Variants in ERAP2 observed in about 807,000 individuals in gnomAD.
ERAP2 encodes the protein leukocyte-derived arginine aminopeptidase.
In ERAP2, 118 loss-of-function variants were observed where a neutral mutation model predicts 111.1. That is an observed-to-expected ratio of 1.06 (90% CI 0.92 to 1.24). The LOEUF (loss-of-function observed/expected upper bound fraction) is 1.24, where lower values mean the gene tolerates loss of function less well. ERAP2 is among the 50% of genes most tolerant of loss of function. The pLI is 0.00. For missense variants in ERAP2, 1,131 were observed against 1,125.8 expected, an observed-to-expected ratio of 1.00 and a Z score of -0.07; for synonymous variants, 410 against 401.2, an observed-to-expected ratio of 1.02 and a Z score of -0.26.
chr5:96,897,552 A>G (rs200227310), intron 9 of ERAP2, among the ~76,000 whole-genome samples: 1 of 146,674 alleles, frequency 6.8e-6, no homozygotes, highest in Non-Finnish European at 1.5e-5. Context: ...TTCTTTTTTT[A>G]ATGTGATAGC....
At chr5:96,913,748 T>A (rs888353692) in intron 17 of ERAP2, among the ~76,000 whole-genome samples, 2 of 152,122 alleles carry the variant, frequency 1.3e-5, no homozygotes, top group Non-Finnish European at 2.9e-5. Context: ...CCTCCCACCA[T>A]CCCTTCTTGG....
chr5:96,892,479 C>A, intron 6 of ERAP2, 26 bp downstream of exon 6: 4 of 1,612,150 alleles, frequency 2.5e-6, no homozygotes, highest in Non-Finnish European at 3.4e-6. Context: ...GACATTATCT[C>A]GATATCAGTT....
At chr5:96,916,889 T>C (rs1220682904) in intron 18 of ERAP2, among the ~76,000 whole-genome samples, 2 of 152,140 alleles carry the variant, frequency 1.3e-5, no homozygotes, top group African/African-American at 4.8e-5. Flanking sequence ...ATTTACTCTA[T>C]GACTTGGGTA....
chr5:96,910,542 A>C (rs1338971085), intron 15 of ERAP2, among the ~76,000 whole-genome samples: 1 of 152,154 alleles, frequency 6.6e-6, no homozygotes, highest in Non-Finnish European at 1.5e-5. Flanking sequence ...TGAAGCTAAA[A>C]TGTAAACATC....
chr5:96,915,755 G>C lies in ERAP2; in HGVS notation c.2725G>C (p.Asp909His). The change falls in exon 18 of 19, where the codon GAT becomes CAT. Residue 909 changes from aspartate (D) to histidine (H), a missense_variant. Coordinates refer to ENST00000437043, the MANE Select transcript of ERAP2 (RefSeq NM_022350.5). ...CACAACAGCTCACTTTTCTTCCAAG[G>C]ATAAGTTGCAAGAGGTTTGTGACTT... Reference protein sequence around the residue: ...SGTTAHFSSKDKLQEVKLFFE... With the variant: ...SGTTAHFSSKHKLQEVKLFFE... The C allele has an allele frequency of 6.2e-7, 1 of 1,601,104 alleles. No individual in the cohort carries two copies. Among genetic ancestry groups the C allele is most frequent in the Non-Finnish European group, 8.5e-7 (1 of 1,173,762 alleles).
chr5:96,913,520 A>G, intron 17 of ERAP2, 63 bp downstream of exon 17: 1 of 1,542,648 alleles, frequency 6.5e-7, no homozygotes, highest in Non-Finnish European at 8.9e-7. Context: ...GCCTCAAACC[A>G]AGTGTAATCA....
intron 9 of ERAP2, among the ~76,000 whole-genome samples, chr5:96,899,411 AAG>A (rs1785214031): frequency 6.6e-6 from 1 of 152,212 alleles, no homozygotes; most frequent in Non-Finnish European, 1.5e-5. Flanking sequence ...GTGTCACATA[AAG>A]TCAATTCTAA....
rs1375153310 is a variant in ERAP2, at chr5:96,918,443, A to C, written c.*838A>C. 1 of 152,232 alleles carries C rather than the reference A, an allele frequency of 6.6e-6. No homozygotes were observed. The highest frequency in any genetic ancestry group is 1.5e-5 in the Non-Finnish European group (1 of 68,038). 9.4% of individuals were successfully genotyped at this position (152,232 alleles called of 1,614,324 possible). A position where few individuals can be genotyped will look rare whatever the true frequency, so the allele number is the denominator to read the frequency against. ...CTCAGATTATTAGAAACTAGGTGTC[A>C]GGGTTTATCAAGAAGGCCAGGAAGG... On this transcript the variant is annotated 3_prime_UTR_variant, in exon 19 of 19. Coordinates refer to ENST00000437043, the MANE Select transcript of ERAP2 (RefSeq NM_022350.5).
chr5:96,899,721 G>C (rs1038673194), intron 9 of ERAP2, among the ~76,000 whole-genome samples: 1 of 152,148 alleles, frequency 6.6e-6, no homozygotes, highest in Non-Finnish European at 1.5e-5. Flanking sequence ...AATATGTCAG[G>C]GGAGAGTTAA....
At chr5:96,876,947 T>C (rs1264842328) in intron 1 of ERAP2, among the ~76,000 whole-genome samples, 1 of 152,076 alleles carries the variant, frequency 6.6e-6, no homozygotes, top group Non-Finnish European at 1.5e-5. Context: ...TGTTCCTTCA[T>C]CTGTTTATTT....
intron 15 of ERAP2, 78 bp from the exon 16 acceptor site, chr5:96,912,559 A>T: frequency 1.9e-6 from 2 of 1,040,978 alleles, no homozygotes; most frequent in Non-Finnish European, 2.8e-6. Flanking sequence ...TTATTGTGTT[A>T]TAGGACTTAA....
chr5:96,891,572 T>TAC (rs1319654321), intron 5 of ERAP2, among the ~76,000 whole-genome samples: 105 of 133,262 alleles, frequency 7.9e-4, no homozygotes, highest in South Asian at 2.4e-3. Flanking sequence ...ACATATATGG[T>TAC]ACACACACAC....
intron 13 of ERAP2, among the ~76,000 whole-genome samples, chr5:96,908,382 A>G (rs755895373): frequency 7.2e-5 from 11 of 152,224 alleles, no homozygotes; most frequent in Non-Finnish European, 1.5e-4. Context: ...CACTAGAAGA[A>G]AACGTAGAGA....
chr5:96,896,561 T>C (rs1458423612), intron 8 of ERAP2, 57 bp downstream of exon 8: 126 of 1,573,718 alleles, frequency 8.0e-5, no homozygotes, highest in Non-Finnish European at 1.1e-4. Flanking sequence ...ATAATGACTA[T>C]AGAATCAGCA....
chr5:96,887,306 T>C (rs1237780241), intron 4 of ERAP2, among the ~76,000 whole-genome samples: 7 of 150,040 alleles, frequency 4.7e-5, no homozygotes, highest in African/African-American at 2.4e-5. Context: ...TTTCCGACTT[T>C]TTTTTTTTTT....
At position 96,884,008 on chromosome 5, in the gene ERAP2, T is replaced by A. The variant is rs573817416; in HGVS notation, c.714+78T>A. 5.2e-6 allele frequency: 7 copies of A among 1,347,816 alleles called. No individual in the cohort carries two copies. The South Asian group carries it at 7.5e-5, about 14-fold the overall frequency. 83.5% of individuals were successfully genotyped at this position (1,347,816 alleles called of 1,614,324 possible). ...CTTCGTTTGTTTTTTAAAATTGCTTTCAGGATTTCAGCCATTAATTTGTTT... is the reference window on the plus strand; with the variant it reads ...CTTCGTTTGTTTTTTAAAATTGCTTACAGGATTTCAGCCATTAATTTGTTT... On this transcript the variant is annotated intron_variant, in intron 3 of 18. Coordinates refer to ENST00000437043, the MANE Select transcript of ERAP2 (RefSeq NM_022350.5).
At chr5:96,896,673 A>G in intron 8 of ERAP2, 59 bp from the exon 9 acceptor site, 1 of 1,504,386 alleles carries the variant, frequency 6.6e-7, no homozygotes, top group Non-Finnish European at 8.9e-7. Flanking sequence ...TCCTTTAAAA[A>G]CATACCATAC....
At chr5:96,899,310 A>G (rs901886980) in intron 9 of ERAP2, among the ~76,000 whole-genome samples, 1 of 152,098 alleles carries the variant, frequency 6.6e-6, no homozygotes, top group Non-Finnish European at 1.5e-5. Context: ...TCTTCCCCTA[A>G]AGGTCCTAGA....
chr5:96,901,062 C>T (rs1475322867), intron 10 of ERAP2, among the ~76,000 whole-genome samples: 1 of 152,202 alleles, frequency 6.6e-6, no homozygotes, highest in East Asian at 1.9e-4. Flanking sequence ...CCATTCACTA[C>T]ACCTCTATTG....
Sources: allele counts gnomAD v4.1 joint callset (sites outside exome capture counted in the v4.1 genomes callset), GRCh38; gene constraint gnomAD v4.1.1; transcripts MANE v1.5; gene names NCBI Gene and HGNC (gene_info 2026-07-23, HGNC 2026-07-21).